SIN3A: variants seen among roughly 807,000 people sequenced by gnomAD.
SIN3A encodes the protein paired amphipathic helix protein Sin3a.
A neutral mutation model predicts 146.1 loss-of-function variants in SIN3A; 14 were observed. That is an observed-to-expected ratio of 0.10 (90% confidence interval 0.06 to 0.15). The LOEUF is 0.15. Ranked by LOEUF, SIN3A falls within the 10% of genes least tolerant of loss-of-function variation. The pLI, the probability that SIN3A is intolerant of heterozygous loss-of-function variation, is 1.00. For missense variants in SIN3A, 1,028 were observed against 1,576.0 expected (o/e 0.65, Z 5.89); for synonymous variants, 572 against 572.0 (o/e 1.00, Z 0.00).
intron 1 of SIN3A, among the ~76,000 whole-genome samples, chr15:75,438,715 GT>G: frequency 6.6e-6 from 1 of 152,060 alleles, no homozygotes; most frequent in Non-Finnish European, 1.5e-5. Context: ...ATCCTGGTCA[GT>G]TTGTTTAAAT....
chr15:75,375,993 TAC>T, intron 19 of SIN3A, 121 bp from the exon 20 acceptor site: 1 of 949,248 alleles, frequency 1.1e-6, no homozygotes, highest in Non-Finnish European at 1.6e-6. Flanking sequence ...GTTAAATACA[TAC>T]ACAAATGTTC....
chr15:75,375,084 C>G (rs2141366823), intron 20 of SIN3A, among the ~76,000 whole-genome samples: 1 of 152,244 alleles, frequency 6.6e-6, no homozygotes, highest in Middle Eastern at 3.4e-3. Flanking sequence ...AAAGGTGCCA[C>G]CGGGTATTTA....
At chr15:75,409,491 C>G (rs962629944) in intron 8 of SIN3A, among the ~76,000 whole-genome samples, 34 of 151,902 alleles carry the variant, frequency 2.2e-4, no homozygotes, top group Admixed American at 8.5e-4. Flanking sequence ...CTTTGGGAGG[C>G]CGAGGCGGGC....
At position 75,369,505 on chromosome 15, in the gene SIN3A, A is replaced by G. The variant is rs547452156; in HGVS notation, c.*2474T>C. ...AAACAAAGATAACCTGCTGCTGCAT[A>G]TAATACAGGTTGGGTTTAGAGCTTG... On this transcript the variant is annotated 3_prime_UTR_variant, in exon 21 of 21. Coordinates refer to ENST00000394947, the MANE Select transcript of SIN3A (RefSeq NM_001145358.2). 1.4e-4 allele frequency: 21 copies of G among 152,380 alleles called. No homozygotes were observed. The highest frequency in any genetic ancestry group is 4.6e-4 in the African/African-American group (19 of 41,588). The allele number at this position is 152,380 out of a possible 1,614,324, so 9.4% of individuals were successfully genotyped here.
At chr15:75,454,209 G>C (rs1383426263), upstream of SIN3A, among the ~76,000 whole-genome samples, 1 of 152,168 alleles carries the variant, frequency 6.6e-6, no homozygotes, top group East Asian at 1.9e-4. Context: ...CTCCCGATAG[G>C]CGGAGCTCGG....
chr15:75,393,333 C>G (rs879568924), intron 14 of SIN3A, among the ~76,000 whole-genome samples: 5 of 152,182 alleles, frequency 3.3e-5, no homozygotes, highest in Non-Finnish European at 5.9e-5. Flanking sequence ...CAGGTACCTT[C>G]TACACACTGA....
At chr15:75,372,699 T>C (rs1285713892) in intron 20 of SIN3A, among the ~76,000 whole-genome samples, 1 of 151,364 alleles carries the variant, frequency 6.6e-6, no homozygotes, top group Non-Finnish European at 1.5e-5. Flanking sequence ...CACACACCTG[T>C]AGTCCCAGCT....
intron 5 of SIN3A, among the ~76,000 whole-genome samples, chr15:75,411,986 C>T (rs2141494802): frequency 6.6e-6 from 1 of 152,242 alleles, no homozygotes; most frequent in South Asian, 2.1e-4. Flanking sequence ...GAGCCATCTC[C>T]AATTACAGGG....
chr15:75,372,348 A>T, intron 20 of SIN3A, 139 bp from the exon 21 acceptor site: 1 of 512,092 alleles, frequency 2.0e-6, no homozygotes, highest in Non-Finnish European at 3.4e-6. Flanking sequence ...TTTTTTCTTA[A>T]AAGAAAAAAA....
chr15:75,377,181 G>A (rs916687496), intron 19 of SIN3A, among the ~76,000 whole-genome samples: 2 of 152,126 alleles, frequency 1.3e-5, no homozygotes, highest in Non-Finnish European at 2.9e-5. Flanking sequence ...TTTTCATACA[G>A]TTGTCAAACT....
intron 2 of SIN3A, among the ~76,000 whole-genome samples, chr15:75,425,559 TCAAA>T (rs770920656): frequency 2.6e-5 from 4 of 152,238 alleles, no homozygotes; most frequent in Non-Finnish European, 5.9e-5. Context: ...TGGTTTGGCC[TCAAA>T]CAAATGTCTT....
chr15:75,384,332 T>C lies in SIN3A; in HGVS notation c.3127A>G (p.Arg1043Gly). Reference protein sequence around the residue: ...TGGQLNTQNSRSLLESTYQRK... With the variant: ...TGGQLNTQNSGSLLESTYQRK... ...TGATACGTTGACTCCAGGAGGCTCC[T>C]TGAGTTCTGTGTGTTCAGCTGGCCT... Residue 1043 changes from arginine to glycine, a missense_variant, in exon 17 of 21, where the codon AGG becomes GGG. Arg to Gly is a moderately radical substitution (Grantham distance 125, BLOSUM62 -2). Around this residue, in one of 9 missense-constraint regions of SIN3A, gnomAD observed 488 missense variants for 690.2 expected, o/e 0.71. Transcript: ENST00000394947. 6.2e-7 allele frequency: 1 copy of C among 1,613,756 alleles called. No individual in the cohort carries two copies. Among genetic ancestry groups the C allele is most frequent in the Non-Finnish European group, 8.5e-7 (1 of 1,179,732 alleles).
chr15:75,404,956 C>T (rs2073482234), intron 9 of SIN3A, among the ~76,000 whole-genome samples: 1 of 151,618 alleles, frequency 6.6e-6, no homozygotes, highest in Non-Finnish European at 1.5e-5. Flanking sequence ...CCAGCCAGGG[C>T]AAAACATTGA....
intron 1 of SIN3A, among the ~76,000 whole-genome samples, chr15:75,444,142 C>G (rs2074264192): frequency 6.6e-6 from 1 of 152,120 alleles, no homozygotes; most frequent in South Asian, 2.1e-4. Context: ...GTGGTAATAG[C>G]TAAAATGAGT....
chr15:75,400,578 CA>C, intron 11 of SIN3A, 151 bp downstream of exon 11: 1 of 698,722 alleles, frequency 1.4e-6, no homozygotes. Flanking sequence ...GTCTCAAAAA[CA>C]AACAAAAAAG....
At chr15:75,389,870 T>C (rs2073164799) in intron 15 of SIN3A, 49 bp from the exon 16 acceptor site, 1 of 1,590,108 alleles carries the variant, frequency 6.3e-7, no homozygotes, top group East Asian at 2.2e-5. Context: ...AAGAAAAGAC[T>C]AGGGATAGAG....
intron 15 of SIN3A, 100 bp from the exon 16 acceptor site, chr15:75,389,921 A>C: frequency 1.8e-6 from 2 of 1,103,152 alleles, no homozygotes; most frequent in Non-Finnish European, 2.7e-6. Flanking sequence ...GGCATTTGAA[A>C]GTATGAACAC....
intron 19 of SIN3A, among the ~76,000 whole-genome samples, chr15:75,377,493 C>T (rs867477899): frequency 5.3e-5 from 8 of 151,948 alleles, no homozygotes; most frequent in East Asian, 1.9e-4. Flanking sequence ...GGAGTGGTGG[C>T]GCGCACCTGT....
At chr15:75,378,906 A>ATG (rs1555441578) in intron 19 of SIN3A, among the ~76,000 whole-genome samples, 1 of 149,694 alleles carries the variant, frequency 6.7e-6, no homozygotes, top group Non-Finnish European at 1.5e-5. Context: ...ATATATATAT[A>ATG]TATTTTATTT....
Sources: gnomAD v4.1 joint callset for allele counts (sites outside exome capture counted in the v4.1 genomes callset) on GRCh38, gnomAD v4.1.1 for gene constraint, gnomAD v4.1.1 regional missense constraint, MANE v1.5 for transcripts, NCBI Gene and HGNC (gene_info 2026-07-23, HGNC 2026-07-21) for gene names.